Variants in ZFYVE16 observed in about 807,000 individuals in gnomAD.
ZFYVE16 encodes zinc finger FYVE domain-containing protein 16.
Under a neutral mutation model 138.1 loss-of-function variants are expected in ZFYVE16, and 89 were observed. That is an observed-to-expected ratio of 0.64 (90% CI 0.54 to 0.77). The LOEUF (loss-of-function observed/expected upper bound fraction) is 0.77. ZFYVE16 is among the 30% of genes least tolerant of loss of function. ZFYVE16 has a pLI of 0.00. For synonymous variants in ZFYVE16, 596 were observed against 618.3 expected, an observed-to-expected ratio of 0.96 and a Z score of 0.53; for missense variants, 1,793 against 1,786.7, an observed-to-expected ratio of 1.00 and a Z score of -0.06.
At chr5:80,411,203 C>T (rs184754372) in intron 1 of ZFYVE16, among the ~76,000 whole-genome samples, 71 of 139,274 alleles carry the variant, frequency 5.1e-4, no homozygotes, top group African/African-American at 1.4e-3. Context: ...AGGATGATCT[C>T]GATCTCTTGA....
At chr5:80,433,798 T>G (rs148378570) in intron 2 of ZFYVE16, among the ~76,000 whole-genome samples, 2 of 152,218 alleles carry the variant, frequency 1.3e-5, no homozygotes, top group African/African-American at 4.8e-5. Flanking sequence ...GTTTGTAGTT[T>G]GATATGTTGT....
At chr5:80,415,961 C>T (rs933072832) in intron 1 of ZFYVE16, among the ~76,000 whole-genome samples, 3 of 152,210 alleles carry the variant, frequency 2.0e-5, no homozygotes, top group East Asian at 1.9e-4. Context: ...CCACCACGCC[C>T]GGCCAACTTG....
chr5:80,414,760 A>G (rs1458464767), intron 1 of ZFYVE16, among the ~76,000 whole-genome samples: 3 of 152,226 alleles, frequency 2.0e-5, no homozygotes, highest in Non-Finnish European at 4.4e-5. Context: ...TAAATTATAC[A>G]AAACATTGGG....
chr5:80,415,879 G>A (rs1359571283), intron 1 of ZFYVE16, among the ~76,000 whole-genome samples: 2 of 151,890 alleles, frequency 1.3e-5, no homozygotes, highest in African/African-American at 4.8e-5. Context: ...TGTTGATTAG[G>A]CTGGTCTCCA....
In ZFYVE16 at chr5:80,449,706, C is replaced by A; in HGVS notation, c.3219C>A (p.Phe1073Leu). The A allele has an allele frequency of 6.3e-7, 1 of 1,590,712 alleles. No individual in the cohort carries two copies. The highest frequency in any genetic ancestry group is 1.2e-5 in the South Asian group (1 of 86,534). The change falls in exon 9 of 19, where the codon TTC (phenylalanine) becomes TTA (leucine). Residue 1073 changes from phenylalanine (F) to leucine (L), a missense_variant. Coordinates refer to ENST00000505560, the MANE Select transcript of ZFYVE16 (RefSeq NM_001284236.3). The stretch of plus-strand genomic sequence containing the variant: ...CTAATCTACTCGTGAATGTCAAATT[C>A]ATATTTTGTAAGTAATAATTTATCC... The part of the protein sequence containing the change: ...LNANLLVNVK[F>L]IFYSSDKYWY...
In ZFYVE16 at chr5:80,480,184, AT is replaced by A. The variant is rs370043909; in HGVS notation, c.*2810del. 1.1e-4 allele frequency among the ~76,000 whole-genome samples: 17 copies of A among 152,260 alleles called. 1 individual carries two copies. The highest frequency in any genetic ancestry group is 3.9e-4 in the African/African-American group (16 of 41,540). On this transcript the variant is annotated 3_prime_UTR_variant, in exon 19 of 19. Coordinates refer to ENST00000505560, the MANE Select transcript of ZFYVE16 (RefSeq NM_001284236.3). Reference sequence around the variant, plus strand: ...ACAAACTCACAGATATAGGTATTAGATTTGTTTTCTTTGTTTAAGGAAATAA... The same window carrying A: ...ACAAACTCACAGATATAGGTATTAGATTGTTTTCTTTGTTTAAGGAAATAA...
At chr5:80,415,547 A>G (rs1465069946) in intron 1 of ZFYVE16, among the ~76,000 whole-genome samples, 1 of 152,152 alleles carries the variant, frequency 6.6e-6, no homozygotes, top group Non-Finnish European at 1.5e-5. Context: ...GTTTTGTAGA[A>G]TGTCAGTTGA....
chr5:80,443,858 G>A (rs1208652263), intron 6 of ZFYVE16: 1 of 456,162 alleles, frequency 2.2e-6, no homozygotes, highest in East Asian at 6.9e-5. Flanking sequence ...GCACTTTCCA[G>A]ACTTCCAGCC....
intron 10 of ZFYVE16, 72 bp from the exon 11 acceptor site, chr5:80,451,413 C>T: frequency 7.8e-7 from 1 of 1,280,032 alleles, no homozygotes. Context: ...GGATTTTGGA[C>T]AAACTAAGAA....
At chr5:80,420,480 G>A (rs936766997) in intron 1 of ZFYVE16, among the ~76,000 whole-genome samples, 14 of 152,186 alleles carry the variant, frequency 9.2e-5, no homozygotes, top group Admixed American at 5.9e-4. Flanking sequence ...GGTGTGTGAT[G>A]TTCCCCTTCC....
At chr5:80,410,279 C>T (rs1298515495) in intron 1 of ZFYVE16, 1 of 151,892 alleles carries the variant, frequency 6.6e-6, no homozygotes, top group African/African-American at 2.4e-5. Flanking sequence ...ACATTGTTTT[C>T]ATGGGAGATA....
chr5:80,459,139 G>T (rs1052303910), intron 14 of ZFYVE16, among the ~76,000 whole-genome samples: 7 of 152,114 alleles, frequency 4.6e-5, no homozygotes, highest in African/African-American at 1.7e-4. Flanking sequence ...TGTTGGCCAG[G>T]CTAGTCTCAA....
Position 80,437,961 on chromosome 5 carries a change from G to T in ZFYVE16, c.1276G>T (p.Glu426Ter), listed in dbSNP as rs1750178653. 6.2e-7 allele frequency: 1 copy of T among 1,613,840 alleles called. No individual in the cohort carries two copies. Among genetic ancestry groups the T allele is most frequent in the Non-Finnish European group, 8.5e-7 (1 of 1,179,954 alleles). The change falls in exon 4 of 19, where the codon GAA (glutamate) becomes TAA (stop). Residue 426 changes from glutamate (E) to a stop codon, truncating the protein, a stop_gained. Coordinates refer to ENST00000505560, the MANE Select transcript of ZFYVE16 (RefSeq NM_001284236.3). LOFTEE classifies it high-confidence loss of function. The stretch of plus-strand genomic sequence containing the variant: ...ACAGAACAGTGTTGTTCTAGGTGGG[G>T]AACCATTCAAAGAGAATGATCTTTT... Reference protein sequence around the residue: ...EIQNSVVLGGEPFKENDLLKQ... With the variant: ...EIQNSVVLGG
At chr5:80,418,284 TTCCCC>T (rs1185643331) in intron 1 of ZFYVE16, among the ~76,000 whole-genome samples, 5 of 143,068 alleles carry the variant, frequency 3.5e-5, no homozygotes, top group Non-Finnish European at 4.6e-5. Context: ...TTCTTTTCCC[TTCCCC>T]TCCCCTCCCC....
At chr5:80,416,159 GA>G (rs1746182544) in intron 1 of ZFYVE16, among the ~76,000 whole-genome samples, 1 of 151,146 alleles carries the variant, frequency 6.6e-6, no homozygotes, top group South Asian at 2.1e-4. Context: ...AAATTATTTG[GA>G]TTTTTTTTTT....
intron 7 of ZFYVE16, among the ~76,000 whole-genome samples, chr5:80,447,303 G>C (rs796211559): frequency 3.4e-5 from 5 of 146,200 alleles, no homozygotes; most frequent in Non-Finnish European, 7.5e-5. Flanking sequence ...GAGAAAAGAT[G>C]AATATTTATC....
At chr5:80,459,523 A>G in intron 15 of ZFYVE16, 29 bp downstream of exon 15, 2 of 1,570,590 alleles carry the variant, frequency 1.3e-6, no homozygotes, top group South Asian at 2.3e-5. Context: ...ATGGTGTTTT[A>G]ATGTAGAGTT....
chr5:80,426,078 G>C (rs1487789266), intron 1 of ZFYVE16, among the ~76,000 whole-genome samples: 1 of 151,862 alleles, frequency 6.6e-6, no homozygotes, highest in Non-Finnish European at 1.5e-5. Context: ...TAATGACAAA[G>C]CTTTATTGAA....
Position 80,448,059 on chromosome 5 carries a change from A to G in ZFYVE16, c.2758A>G (p.Thr920Ala), listed in dbSNP as rs879639183. The change falls in exon 8 of 19, where the codon ACA becomes GCA. Residue 920 changes from threonine (T) to alanine (A), a missense_variant. Thr to Ala is a moderately conservative substitution (Grantham distance 58). Transcript: ENST00000505560. ...VNTVDHSHST[T>A]VEKPNNETGD... ...CACAGTGGATCATTCCCATTCTACT[A>G]CAGTGGAAAAGCCAAACAATGAGAC... 21 of 1,612,288 alleles carry G rather than the reference A, an allele frequency of 1.3e-5. No individual in the cohort carries two copies. The highest frequency in any genetic ancestry group is 1.7e-5 in the Non-Finnish European group (20 of 1,179,130).
Sources: allele counts gnomAD v4.1 joint callset (sites outside exome capture counted in the v4.1 genomes callset), GRCh38; gene constraint gnomAD v4.1.1; transcripts MANE v1.5; gene names NCBI Gene and HGNC (gene_info 2026-07-23, HGNC 2026-07-21).